DYRK1A: variants seen among roughly 807,000 people sequenced by gnomAD.
The protein encoded by DYRK1A is dual specificity tyrosine phosphorylation regulated kinase 1A.
A neutral mutation model predicts 79.7 loss-of-function variants in DYRK1A; 9 were observed. The ratio of observed to expected loss-of-function variants is 0.11; its 90% CI spans 0.07 to 0.20. The LOEUF (loss-of-function observed/expected upper bound fraction) is 0.20. Ranked by LOEUF, DYRK1A falls within the 10% of genes least tolerant of loss-of-function variation. The pLI is 1.00. For missense variants in DYRK1A, 622 were observed against 956.0 expected, an observed-to-expected ratio of 0.65 and a Z score of 4.61; for synonymous variants, 349 against 329.7, an observed-to-expected ratio of 1.06 and a Z score of -0.63.
chr21:37,434,669 C>G (rs569040356), intron 2 of DYRK1A, among the ~76,000 whole-genome samples: 1 of 152,102 alleles, frequency 6.6e-6, no homozygotes, highest in Admixed American at 6.6e-5. Context: ...ATATTTTAAG[C>G]TCTATAGGTT....
rs1465463379 is a variant in DYRK1A at position 37,506,243 on chromosome 21, A to G, written c.1644+20A>G. 2 of 1,613,690 alleles carry G rather than the reference A, an allele frequency of 1.2e-6. No homozygotes were observed. Among genetic ancestry groups the G allele is most frequent in the Admixed American group, 1.7e-5 (1 of 59,968 alleles). ...CCCCAGGTGAGCTCGCACGTGGTTCATTTGCTTGTGTCACCTGCCATTCTC... is the reference window on the plus strand; with the variant it reads ...CCCCAGGTGAGCTCGCACGTGGTTCGTTTGCTTGTGTCACCTGCCATTCTC... On this transcript the variant is annotated intron_variant, in intron 11 of 11. Transcript: ENST00000647188.
chr21:37,507,983 C>T (rs990719149), intron 11 of DYRK1A, among the ~76,000 whole-genome samples: 14 of 151,962 alleles, frequency 9.2e-5, no homozygotes, highest in Admixed American at 7.2e-4. Context: ...ATCATTTTCA[C>T]TTCCTTCCCA....
At chr21:37,394,450 G>C (rs1271700100) in intron 1 of DYRK1A, among the ~76,000 whole-genome samples, 1 of 152,092 alleles carries the variant, frequency 6.6e-6, no homozygotes, top group East Asian at 1.9e-4. Context: ...GAAGAAAGTA[G>C]AACAATGAAT....
At position 37,516,291 on chromosome 21, in the gene DYRK1A, T is replaced by C. The variant is rs534556795; in HGVS notation, c.*3760T>C. On this transcript the variant is annotated 3_prime_UTR_variant, in exon 12 of 12. Coordinates refer to ENST00000647188, the MANE Select transcript of DYRK1A (RefSeq NM_001347721.2). ...AATGGGGACAAAAGCCGTGCGTGAC[T>C]TCGGTATACCCAGACTTCATTCAGA... 10 of 152,350 alleles carry C rather than the reference T, an allele frequency of 6.6e-5. No homozygotes were observed. Among genetic ancestry groups the C allele is most frequent in the East Asian group, 3.9e-4 (2 of 5,188 alleles). The allele number at this position is 152,350 out of a possible 1,614,324, so 9.4% of individuals were successfully genotyped here.
chr21:37,372,545 C>T (rs1020300182), intron 1 of DYRK1A, among the ~76,000 whole-genome samples: 1 of 152,034 alleles, frequency 6.6e-6, no homozygotes, highest in Non-Finnish European at 1.5e-5. Flanking sequence ...GTGGAAAGAT[C>T]CCCTGCCCAT....
chr21:37,419,433 G>T (rs959010660), intron 1 of DYRK1A: 1 of 152,168 alleles, frequency 6.6e-6, no homozygotes, highest in South Asian at 2.1e-4. Context: ...TTCTTCTGCA[G>T]CGGCCCCAGT....
chr21:37,386,398 T>C (rs1025139497), intron 1 of DYRK1A, among the ~76,000 whole-genome samples: 7 of 152,164 alleles, frequency 4.6e-5, no homozygotes, highest in Admixed American at 3.3e-4. Flanking sequence ...GCAATACTTG[T>C]CAGACTTTCT....
Position 37,478,219 on chromosome 21 carries a change from C to T in DYRK1A, c.219C>T (p.Pro73=). The change falls in exon 4 of 12, where the codon CCC becomes CCT. Residue 73 remains proline, a synonymous_variant. Coordinates refer to ENST00000647188, the MANE Select transcript of DYRK1A (RefSeq NM_001347721.2). The part of the protein sequence containing the change: ...QQPLTNQRRM[P]QTFRDPATAP... ...TTGTCATGTTACAGAGGCGGATGCC[C>T]CAAACCTTCCGTGACCCAGCAACTG... 1.9e-6 allele frequency: 3 copies of T among 1,614,058 alleles called. No homozygotes were observed. Among genetic ancestry groups the T allele is most frequent in the Non-Finnish European group, 2.5e-6 (3 of 1,179,974 alleles).
At chr21:37,373,308 C>G (rs2049470614) in intron 1 of DYRK1A, among the ~76,000 whole-genome samples, 1 of 152,112 alleles carries the variant, frequency 6.6e-6, no homozygotes, top group Admixed American at 6.5e-5. Flanking sequence ...TAGCAATAAT[C>G]TCAGTAATGG....
intron 2 of DYRK1A, among the ~76,000 whole-genome samples, chr21:37,455,283 T>A (rs2051598806): frequency 6.6e-6 from 1 of 152,114 alleles, no homozygotes. Flanking sequence ...CTTGTGCCAG[T>A]TTTAATTTTC....
chr21:37,369,747 A>G (rs1211871150), intron 1 of DYRK1A, among the ~76,000 whole-genome samples: 2 of 152,238 alleles, frequency 1.3e-5, no homozygotes, highest in Non-Finnish European at 1.5e-5. Context: ...ATGAATGGTA[A>G]TTATTGGTAG....
At chr21:37,459,127 A>G (rs2051756739) in intron 2 of DYRK1A, among the ~76,000 whole-genome samples, 1 of 152,224 alleles carries the variant, frequency 6.6e-6, no homozygotes, top group South Asian at 2.1e-4. Context: ...GACGTCTGAT[A>G]ACCTTAAGCT....
At chr21:37,480,616 A>G (rs1481127114) in intron 4 of DYRK1A, 22 bp from the exon 5 acceptor site, 3 of 1,550,616 alleles carry the variant, frequency 1.9e-6, no homozygotes, top group Non-Finnish European at 1.7e-6. Flanking sequence ...TTTACAGTTA[A>G]CACTATGTAT....
intron 11 of DYRK1A, among the ~76,000 whole-genome samples, chr21:37,508,421 G>A (rs2148656297): frequency 6.6e-6 from 1 of 152,276 alleles, no homozygotes; most frequent in South Asian, 2.1e-4. Flanking sequence ...CTGAGTAGCT[G>A]GGATTACAGA....
At chr21:37,379,041 C>T (rs1164472882) in intron 1 of DYRK1A, among the ~76,000 whole-genome samples, 2 of 152,114 alleles carry the variant, frequency 1.3e-5, no homozygotes, top group African/African-American at 4.8e-5. Flanking sequence ...AGTCATATCC[C>T]TGGAGCATCA....
intron 1 of DYRK1A, among the ~76,000 whole-genome samples, chr21:37,382,835 G>T (rs1012027657): frequency 6.6e-6 from 1 of 152,096 alleles, no homozygotes; most frequent in Non-Finnish European, 1.5e-5. Context: ...GTTAAGTGCC[G>T]TAAAGTTGAA....
At chr21:37,489,483 T>C (rs1181875590) in intron 6 of DYRK1A, among the ~76,000 whole-genome samples, 1 of 152,154 alleles carries the variant, frequency 6.6e-6, no homozygotes, top group Non-Finnish European at 1.5e-5. Context: ...CCTTATCATC[T>C]CTTCTTGTAG....
At chr21:37,452,141 C>CTT in intron 2 of DYRK1A, among the ~76,000 whole-genome samples, 1 of 141,068 alleles carries the variant, frequency 7.1e-6, no homozygotes, top group Middle Eastern at 3.7e-3. Context: ...TGATTTTGAG[C>CTT]TTTTTTTTTT....
chr21:37,403,661 A>ATGTG lies in DYRK1A; in HGVS notation c.-76-16637_-76-16636insGTGT, dbSNP rs1385707900. 5.2e-3 allele frequency among the ~76,000 whole-genome samples: 594 copies of ATGTG among 113,316 alleles called. 3 individuals carry two copies. Among genetic ancestry groups the ATGTG allele is most frequent in the African/African-American group, 0.017 (522 of 30,686 alleles). The allele number at this position is 113,316 out of a possible 152,430, so 74.3% of individuals were successfully genotyped here. A position where few individuals can be genotyped will look rare whatever the true frequency, so the allele number is the denominator to read the frequency against. ...AAAAAAAAAAAAAATATATATATATATATGTGTGTGTGTGTGTGTGTGTGT... is the reference window on the plus strand; with the variant it reads ...AAAAAAAAAAAAAATATATATATATATGTGTATGTGTGTGTGTGTGTGTGTGTGT... On this transcript the variant is annotated intron_variant, in intron 1 of 11. Coordinates refer to ENST00000647188, the MANE Select transcript of DYRK1A (RefSeq NM_001347721.2).
Sources: allele counts gnomAD v4.1 joint callset (sites outside exome capture counted in the v4.1 genomes callset), GRCh38; gene constraint gnomAD v4.1.1; transcripts MANE v1.5; gene names NCBI Gene and HGNC (gene_info 2026-07-23, HGNC 2026-07-21).